The following RPRD2 variants were observed in gnomAD, a reference collection of about 807,000 sequenced individuals.
RPRD2 encodes the protein regulation of nuclear pre-mRNA domain-containing protein 2.
A neutral mutation model predicts 104.4 loss-of-function variants in RPRD2; 12 were observed. The ratio of observed to expected loss-of-function variants is 0.11; its 90% CI spans 0.07 to 0.19. The LOEUF is 0.19. Among genes scored for constraint, RPRD2 ranks in the 10% least tolerant of loss-of-function variants. The probability of loss-of-function intolerance (pLI) is 1.00; values close to 1 mark genes in which losing one functional copy is unlikely to be tolerated. For missense variants in RPRD2, 1,543 were observed against 1,790.1 expected (o/e 0.86, Z 2.49); for synonymous variants, 714 against 684.9 (o/e 1.04, Z -0.66).
At chr1:150,437,977 T>TAA (rs35517552) in intron 2 of RPRD2, among the ~76,000 whole-genome samples, 37,179 of 129,290 alleles carry the variant, frequency 0.29, 6,220 homozygotes, top group Non-Finnish European at 0.39. Flanking sequence ...TGTCATTATT[T>TAA]AAAAAAAAAA....
Position 150,440,422 on chromosome 1 carries a change from A to C in RPRD2, c.336-501A>C, listed in dbSNP as rs77575123. 5.1e-4 allele frequency among the ~76,000 whole-genome samples: 77 copies of C among 152,348 alleles called. 1 individual carries two copies. In the East Asian group the frequency reaches 0.012, roughly 24 times the overall value. On this transcript the variant is annotated intron_variant, in intron 2 of 10. Transcript: ENST00000369068. ...GAACCTGAAGCTCATCTGTGAACCA[A>C]ACAGAATAAACCAATACCCTTTACT...
At chr1:150,428,414 C>T (rs1196709882) in intron 2 of RPRD2, among the ~76,000 whole-genome samples, 2 of 144,152 alleles carry the variant, frequency 1.4e-5, no homozygotes, top group African/African-American at 5.1e-5. Context: ...GATTGCACGC[C>T]ACTGCACTCC....
chr1:150,365,516 T>C (rs782293109), intron 1 of RPRD2, among the ~76,000 whole-genome samples: 1 of 152,240 alleles, frequency 6.6e-6, no homozygotes, highest in Non-Finnish European at 1.5e-5. Context: ...ACAGGTTTCT[T>C]GGATACTGAC....
At chr1:150,444,509 G>T in intron 6 of RPRD2, 132 bp downstream of exon 6, 1 of 802,732 alleles carries the variant, frequency 1.2e-6, no homozygotes, top group Non-Finnish European at 1.9e-6. Context: ...GGTTTCCCAG[G>T]TAGTTATTTC....
intron 1 of RPRD2, among the ~76,000 whole-genome samples, chr1:150,393,588 T>G (rs1288534617): frequency 4.6e-5 from 7 of 152,002 alleles, no homozygotes; most frequent in Admixed American, 2.0e-4. Context: ...AATTATAGAT[T>G]ATTACTTTAT....
intron 2 of RPRD2, among the ~76,000 whole-genome samples, chr1:150,434,823 T>C (rs11205374): frequency 0.083 from 12,474 of 150,450 alleles, 675 homozygotes; most frequent in Non-Finnish European, 0.12. Flanking sequence ...TCTCCAAAAA[T>C]AGAAATAAAA....
At chr1:150,459,985 G>T in intron 8 of RPRD2, 75 bp from the exon 9 acceptor site, 1 of 1,371,732 alleles carries the variant, frequency 7.3e-7, no homozygotes, top group Non-Finnish European at 1.0e-6. Flanking sequence ...GGAAATATTA[G>T]GACATGTTAT....
intron 10 of RPRD2, among the ~76,000 whole-genome samples, chr1:150,465,701 A>G (rs908998426): frequency 5.9e-5 from 9 of 152,124 alleles, no homozygotes; most frequent in African/African-American, 2.2e-4. Context: ...AGGTTTATAT[A>G]TGTTGAGTTT....
intron 1 of RPRD2, among the ~76,000 whole-genome samples, chr1:150,391,392 G>T (rs189341872): frequency 6.6e-6 from 1 of 152,228 alleles, no homozygotes; most frequent in African/African-American, 2.4e-5. Flanking sequence ...GGGCTCAAGT[G>T]ATCCTCCTGC....
chr1:150,392,314 G>A (rs587595141), intron 1 of RPRD2, among the ~76,000 whole-genome samples: 2 of 152,292 alleles, frequency 1.3e-5, no homozygotes, highest in East Asian at 3.9e-4. Flanking sequence ...CAGCCAGTCT[G>A]GCCAACATGG....
rs370873953 is a variant in RPRD2, at chr1:150,447,626, AC to A, written c.870+1228del. Among the ~76,000 whole-genome samples the A allele has an allele frequency of 5.0e-4, 76 of 152,198 alleles. 1 individual carries two copies. The East Asian group carries it at 0.013, about 25-fold the overall frequency. Reference sequence around the variant, plus strand: ...TGGGATTACAGGCATGAGCCACCACACCCAGCCAGGGAACTTCTTTTTATTC... The same window carrying A: ...TGGGATTACAGGCATGAGCCACCACACCAGCCAGGGAACTTCTTTTTATTC... On this transcript the variant is annotated intron_variant, in intron 7 of 10. Transcript: ENST00000369068.
intron 7 of RPRD2, among the ~76,000 whole-genome samples, chr1:150,449,595 C>T (rs769201250): frequency 1.3e-5 from 2 of 151,810 alleles, no homozygotes; most frequent in Non-Finnish European, 2.9e-5. Context: ...TTCTTTCTCC[C>T]TCCTTCCATC....
intron 1 of RPRD2, among the ~76,000 whole-genome samples, chr1:150,413,678 C>A (rs1231495277): frequency 6.6e-6 from 1 of 152,042 alleles, no homozygotes; most frequent in Non-Finnish European, 1.5e-5. Flanking sequence ...GTAATCTCAG[C>A]ACTTTGGGAG....
Position 150,464,619 on chromosome 1 carries a change from A to C in RPRD2, c.1504A>C (p.Thr502Pro), listed in dbSNP as rs199825347. 22 of 1,611,934 alleles carry C rather than the reference A, an allele frequency of 1.4e-5. No homozygotes were observed. The Admixed American group carries it at 1.7e-4, about 12-fold the overall frequency. ...GLKTPAPATT[T>P]SHNPLANILS... is the part of the protein sequence containing the mutation. ...GAAAACACCTGCACCTGCCACGACA[A>C]CATCTCACAACCCTCTGGCAAATAT... Residue 502 changes from threonine (T) to proline (P), a missense_variant, in exon 10 of 11, where the codon ACA becomes CCA. By Grantham distance (38) the Thr-to-Pro change is conservative. Transcript: ENST00000369068.
At chr1:150,398,912 A>G (rs951202246) in intron 1 of RPRD2, among the ~76,000 whole-genome samples, 1 of 152,166 alleles carries the variant, frequency 6.6e-6, no homozygotes, top group Non-Finnish European at 1.5e-5. Flanking sequence ...AAAAATGTTA[A>G]CAGATGATAT....
intron 1 of RPRD2, among the ~76,000 whole-genome samples, chr1:150,389,162 G>C (rs587637856): frequency 6.6e-6 from 1 of 151,948 alleles, no homozygotes. Context: ...TCAGACTCCC[G>C]AGTAGCTGGG....
intron 10 of RPRD2, 135 bp from the exon 11 acceptor site, chr1:150,470,426 T>C: frequency 1.2e-6 from 1 of 817,414 alleles, no homozygotes; most frequent in Non-Finnish European, 1.9e-6. Context: ...TTGTTTGGTC[T>C]GGATTCCTTT....
At chr1:150,431,674 G>T (rs1011702097) in intron 2 of RPRD2, among the ~76,000 whole-genome samples, 7 of 149,842 alleles carry the variant, frequency 4.7e-5, no homozygotes, top group Admixed American at 3.3e-4. Context: ...AGAGACAGGG[G>T]TTCACCATGT....
chr1:150,422,512 T>C lies in RPRD2; in HGVS notation c.335+4787T>C, dbSNP rs1444850418. On this transcript the variant is annotated intron_variant, in intron 2 of 10. Transcript: ENST00000369068. ...GTCTAGAAGTTCCTGGCAGGTAATA[T>C]AGATGAGTGAAGTAGGTTGAGTGTG... Among the ~76,000 whole-genome samples, 3 of 152,004 alleles carry C rather than the reference T, an allele frequency of 2.0e-5. No individual in the cohort carries two copies. The South Asian group carries it at 6.2e-4, about 32-fold the overall frequency.
Sources: gnomAD v4.1 joint callset for allele counts (sites outside exome capture counted in the v4.1 genomes callset) on GRCh38, gnomAD v4.1.1 for gene constraint, MANE v1.5 for transcripts, NCBI Gene and HGNC (gene_info 2026-07-23, HGNC 2026-07-21) for gene names.